DENND4A: variants seen among roughly 807,000 people sequenced by gnomAD.
DENND4A encodes DENN domain containing 4A.
Under a neutral mutation model 199.3 loss-of-function variants are expected in DENND4A, and 70 were observed. That is an observed-to-expected ratio of 0.35 (90% CI 0.29 to 0.43). DENND4A has a LOEUF of 0.43. Among genes scored for constraint, DENND4A ranks in the 20% least tolerant of loss-of-function variants. The pLI is 1.00. For synonymous variants in DENND4A, 686 were observed against 766.9 expected (o/e 0.89, Z 1.74); for missense variants, 1,723 against 2,255.8 (o/e 0.76, Z 4.78).
intron 1 of DENND4A, chr15:65,772,027 G>C: frequency 7.2e-7 from 1 of 1,393,590 alleles, no homozygotes. Flanking sequence ...AAGGGCAGTG[G>C]GTAGAGCTTC....
In DENND4A at chr15:65,715,576, T is replaced by C. The variant is rs1229695342; in HGVS notation, c.1855A>G (p.Met619Val). ...DRSHQKFYNMMTKTQMFIRFI... is the reference protein window; with the variant it reads ...DRSHQKFYNMVTKTQMFIRFI... ...CGAATAAACATTTGTGTTTTGGTCA[T>C]CATGTTATAGAATTTTTGATGTGAC... Residue 619 changes from methionine (M) to valine (V), a missense_variant, in exon 14 of 33, where the codon ATG becomes GTG. By Grantham distance (21) the Met-to-Val change is conservative. Transcript: ENST00000443035. 1.3e-6 allele frequency: 2 copies of C among 1,598,254 alleles called. No individual in the cohort carries two copies. The highest frequency in any genetic ancestry group is 2.2e-5 in the East Asian group (1 of 44,652).
chr15:65,675,050 TA>T (rs1012192429), intron 24 of DENND4A, among the ~76,000 whole-genome samples: 5 of 152,278 alleles, frequency 3.3e-5, no homozygotes, highest in African/African-American at 1.2e-4. Flanking sequence ...AGAGCAAAGA[TA>T]AAGTGAAAAA....
At chr15:65,724,014 A>G (rs1271620924) in intron 11 of DENND4A, among the ~76,000 whole-genome samples, 5 of 152,114 alleles carry the variant, frequency 3.3e-5, no homozygotes. Flanking sequence ...GTGATAAAGC[A>G]TTGCAAAGCA....
chr15:65,694,365 C>T (rs575310560), intron 22 of DENND4A, among the ~76,000 whole-genome samples: 19 of 152,098 alleles, frequency 1.2e-4, no homozygotes, highest in African/African-American at 3.9e-4. Context: ...ATGAGAATTG[C>T]TTGAACCCAG....
chr15:65,701,646 G>T, intron 18 of DENND4A, 116 bp downstream of exon 18: 2 of 923,918 alleles, frequency 2.2e-6, no homozygotes, highest in East Asian at 5.3e-5. Flanking sequence ...TTGACAAAAT[G>T]TATTTTATAT....
Position 65,691,191 on chromosome 15 carries a change from T to C in DENND4A, c.3403A>G (p.Arg1135Gly). The C allele has an allele frequency of 6.2e-7, 1 of 1,613,460 alleles. No homozygotes were observed. The highest frequency in any genetic ancestry group is 1.3e-5 in the African/African-American group (1 of 75,050). ...DIGKPPLRSK[R>G]DSLEKESSDD... is the part of the protein sequence containing the mutation. Reference sequence around the variant, plus strand: ...CTAGATTCCTTTTCTAGACTGTCTCTTTTTGATCTTAAAGGTGGCTTCCCA... The same window carrying C: ...CTAGATTCCTTTTCTAGACTGTCTCCTTTTGATCTTAAAGGTGGCTTCCCA... The change falls in exon 23 of 33, where the codon AGA (arginine) becomes GGA (glycine). Residue 1135 changes from arginine to glycine, a missense_variant. Transcript: ENST00000443035.
intron 23 of DENND4A, among the ~76,000 whole-genome samples, chr15:65,677,923 ATC>A (rs2076437519): frequency 9.3e-6 from 1 of 107,350 alleles, no homozygotes; most frequent in Non-Finnish European, 2.0e-5. Flanking sequence ...GCAGCCTCTT[ATC>A]TCTTTTTTTT....
At position 65,661,779 on chromosome 15, in the gene DENND4A, TAG is replaced by T; in HGVS notation, c.*70_*71del. The T allele has an allele frequency of 7.8e-7, 1 of 1,288,680 alleles. No homozygotes were observed. The highest frequency in any genetic ancestry group is 1.0e-6 in the Non-Finnish European group (1 of 962,718). The allele number at this position is 1,288,680 out of a possible 1,614,324, so 79.8% of individuals were successfully genotyped here. ...TTTCAAAAATTGAAGAAAAAATATT[TAG>T]AGTCTAAAAGTGTTATTTTATACAC... On this transcript the variant is annotated 3_prime_UTR_variant, in exon 33 of 33. Coordinates refer to ENST00000443035, the MANE Select transcript of DENND4A (RefSeq NM_001320835.1).
rs2076942220 is a variant in DENND4A at position 65,690,732 on chromosome 15, C to A, written c.3862G>T (p.Val1288Phe). The change falls in exon 23 of 33, where the codon GTC becomes TTC. Residue 1288 changes from valine to phenylalanine, a missense_variant. Val to Phe is a conservative substitution (Grantham distance 50). This residue lies in a region of DENND4A where 650 missense variants were observed against 738.1 expected (regional missense o/e 0.88). Coordinates refer to ENST00000443035, the MANE Select transcript of DENND4A (RefSeq NM_001320835.1). Reference sequence around the variant, plus strand: ...AGACTAGATCTTCTGCATGCCTTGACCAATGGTGGACTTTTCTTATTTAAT... The same window carrying A: ...AGACTAGATCTTCTGCATGCCTTGAACAATGGTGGACTTTTCTTATTTAAT... Reference protein sequence around the residue: ...DKLNKKSPPLVKACRRSSLPP... With the variant: ...DKLNKKSPPLFKACRRSSLPP... 1 of 1,613,516 alleles carries A rather than the reference C, an allele frequency of 6.2e-7. No homozygotes were observed. Among genetic ancestry groups the A allele is most frequent in the Non-Finnish European group, 8.5e-7 (1 of 1,179,770 alleles).
intron 5 of DENND4A, among the ~76,000 whole-genome samples, chr15:65,739,554 A>C (rs956694296): frequency 2.6e-5 from 4 of 152,210 alleles, no homozygotes; most frequent in Non-Finnish European, 5.9e-5. Context: ...CTAGAAACAG[A>C]AAATAGGTTC....
chr15:65,718,760 C>CTTTTTGTTTTTTTTTTTTTT (rs2075499711), intron 12 of DENND4A, among the ~76,000 whole-genome samples: 1 of 67,738 alleles, frequency 1.5e-5, no homozygotes, highest in Non-Finnish European at 3.0e-5. Context: ...GTTTTTTTTC[C>CTTTTTGTTTTTTTTTTTTTT]TTTTTTTTTT....
chr15:65,789,672 T>C (rs1376156459), intron 1 of DENND4A, among the ~76,000 whole-genome samples: 1 of 152,198 alleles, frequency 6.6e-6, no homozygotes, highest in Admixed American at 6.5e-5. Context: ...GTTTTCCACC[T>C]AGAACAACGC....
At chr15:65,757,625 G>A (rs1439181889) in intron 2 of DENND4A, among the ~76,000 whole-genome samples, 1 of 151,984 alleles carries the variant, frequency 6.6e-6, no homozygotes, top group African/African-American at 2.4e-5. Context: ...TTGGGTTTGG[G>A]GTTTGTACTT....
chr15:65,705,051 CAA>C (rs547980350), intron 15 of DENND4A, among the ~76,000 whole-genome samples: 9 of 152,042 alleles, frequency 5.9e-5, no homozygotes, highest in African/African-American at 1.9e-4. Context: ...TTTAGAAAGA[CAA>C]AGAGAGGAAG....
intron 1 of DENND4A, among the ~76,000 whole-genome samples, chr15:65,766,248 C>A (rs1294790954): frequency 2.6e-5 from 3 of 116,244 alleles, no homozygotes; most frequent in African/African-American, 1.0e-4. Flanking sequence ...GAGACTCCAC[C>A]TCAAAAAAAA....
In DENND4A at chr15:65,661,824, TTGAATG is replaced by T. The variant is rs1566977538; in HGVS notation, c.*21_*26del. 1 of 1,574,048 alleles carries T rather than the reference TTGAATG, an allele frequency of 6.4e-7. No homozygotes were observed. Among genetic ancestry groups the T allele is most frequent in the East Asian group, 2.3e-5 (1 of 43,988 alleles). Reference sequence around the variant, plus strand: ...TTATACACTGACTATACAATATACATTGAATGTTTACACATACAAATACATCTTAAA... The same window carrying T: ...TTATACACTGACTATACAATATACATTTTACACATACAAATACATCTTAAA... On this transcript the variant is annotated 3_prime_UTR_variant, in exon 33 of 33. Transcript: ENST00000443035.
chr15:65,755,708 G>A (rs1252852983), intron 3 of DENND4A, among the ~76,000 whole-genome samples: 1 of 152,192 alleles, frequency 6.6e-6, no homozygotes, highest in Non-Finnish European at 1.5e-5. Context: ...TGAGGCTGTA[G>A]TGAGCTATGA....
intron 32 of DENND4A, among the ~76,000 whole-genome samples, chr15:65,663,943 C>T (rs887794244): frequency 1.3e-5 from 2 of 152,136 alleles, no homozygotes; most frequent in South Asian, 2.1e-4. Context: ...TGAGCTACCG[C>T]ACCCGGCTCC....
At chr15:65,667,366 CCTTA>C in intron 29 of DENND4A, 79 bp downstream of exon 29, 2 of 1,430,690 alleles carry the variant, frequency 1.4e-6, no homozygotes, top group South Asian at 2.7e-5. Flanking sequence ...TAAAAACAGA[CCTTA>C]CTTTTTAATC....
Sources: gnomAD v4.1 joint callset for allele counts (sites outside exome capture counted in the v4.1 genomes callset) on GRCh38, gnomAD v4.1.1 for gene constraint, gnomAD v4.1.1 regional missense constraint, MANE v1.5 for transcripts, NCBI Gene and HGNC (gene_info 2026-07-23, HGNC 2026-07-21) for gene names.